Variants in GALK2 observed in about 807,000 individuals in gnomAD.
GALK2 encodes galactokinase 2, also known as N-acetylgalactosamine kinase.
GALK2 carries 36 observed loss-of-function variants against 52.4 expected under a neutral mutation model. That is an observed-to-expected ratio of 0.69 (90% CI 0.53 to 0.91). GALK2 has a LOEUF of 0.91. Ranked by LOEUF, GALK2 falls within the 40% of genes least tolerant of loss-of-function variation. The pLI, the probability that GALK2 is intolerant of heterozygous loss-of-function variation, is 0.00. For synonymous variants in GALK2, 176 were observed against 199.1 expected (o/e 0.88, Z 0.98); for missense variants, 579 against 559.1 (o/e 1.04, Z -0.36).
intron 5 of GALK2, among the ~76,000 whole-genome samples, chr15:49,269,321 A>G (rs1040073753): frequency 6.6e-6 from 1 of 152,160 alleles, no homozygotes; most frequent in Non-Finnish European, 1.5e-5. Context: ...TGTGCAGTGC[A>G]AGGTCAGGGG....
chr15:49,355,753 C>T (rs2043046451), intron 3 of GALK2, among the ~76,000 whole-genome samples: 1 of 151,494 alleles, frequency 6.6e-6, no homozygotes, highest in Admixed American at 6.6e-5. Flanking sequence ...CACAAAGATA[C>T]TCCTCGAGAA....
At chr15:49,325,062 C>G (rs1327630853) in intron 9 of GALK2, among the ~76,000 whole-genome samples, 1 of 152,152 alleles carries the variant, frequency 6.6e-6, no homozygotes, top group African/African-American at 2.4e-5. Context: ...CTCCATTGCT[C>G]TGTATCTTGC....
At chr15:49,237,720 C>G (rs1172635817) in intron 4 of GALK2, among the ~76,000 whole-genome samples, 3 of 152,082 alleles carry the variant, frequency 2.0e-5, no homozygotes, top group African/African-American at 7.2e-5. Context: ...CGTGACCCAC[C>G]CGCCTCGGCC....
At chr15:49,279,719 CAGTT>C (rs1242322561) in intron 5 of GALK2, among the ~76,000 whole-genome samples, 2 of 152,176 alleles carry the variant, frequency 1.3e-5, no homozygotes, top group Non-Finnish European at 2.9e-5. Flanking sequence ...CCCAGGGTCA[CAGTT>C]AGTTGGGCAC....
intron 9 of GALK2, among the ~76,000 whole-genome samples, chr15:49,322,406 C>T (rs2036950396): frequency 6.6e-6 from 1 of 152,158 alleles, no homozygotes; most frequent in African/African-American, 2.4e-5. Flanking sequence ...GAATAGTTGT[C>T]TGGTCCTTAA....
intron 8 of GALK2, among the ~76,000 whole-genome samples, chr15:49,314,334 A>G (rs951213046): frequency 6.6e-6 from 1 of 152,240 alleles, no homozygotes; most frequent in Non-Finnish European, 1.5e-5. Flanking sequence ...GCAAAATACA[A>G]TATAAACAAT....
rs553628122 is a variant in GALK2, at chr15:49,328,903, A to G, written c.*744A>G. The G allele has an allele frequency of 2.3e-5, 28 of 1,242,052 alleles. No homozygotes were observed. In the East Asian group the frequency reaches 8.4e-4, roughly 37 times the overall value. 76.9% of individuals were successfully genotyped at this position (1,242,052 alleles called of 1,614,324 possible). A position where few individuals can be genotyped will look rare whatever the true frequency, so the allele number is the denominator to read the frequency against. On this transcript the variant is annotated 3_prime_UTR_variant, in exon 10 of 10. Coordinates refer to ENST00000560031, the MANE Select transcript of GALK2 (RefSeq NM_002044.4). ...GGCCCTGAGCTATCTCCATTACTTAATAGAAAAACTTAGATAAAAAACACT... is the reference window on the plus strand; with the variant it reads ...GGCCCTGAGCTATCTCCATTACTTAGTAGAAAAACTTAGATAAAAAACACT...
chr15:49,159,351 G>A (rs540498967), intron 1 of GALK2, among the ~76,000 whole-genome samples: 32 of 152,102 alleles, frequency 2.1e-4, no homozygotes, highest in Non-Finnish European at 3.5e-4. Context: ...CGAGGCAGAC[G>A]GACCACCTGA....
intron 1 of GALK2, among the ~76,000 whole-genome samples, chr15:49,173,784 G>T (rs1227383810): frequency 5.9e-5 from 9 of 151,956 alleles, no homozygotes; most frequent in Admixed American, 5.2e-4. Context: ...GTCTCGCTCT[G>T]TTGGCTGGAG....
chr15:49,160,281 G>GA (rs990053087), intron 1 of GALK2, among the ~76,000 whole-genome samples: 21 of 148,900 alleles, frequency 1.4e-4, no homozygotes, highest in Middle Eastern at 7.0e-3. Flanking sequence ...TCTCAAAAAA[G>GA]AAAAAAAAAG....
At chr15:49,361,480 T>C (rs1168157716) in intron 3 of GALK2, among the ~76,000 whole-genome samples, 1 of 152,180 alleles carries the variant, frequency 6.6e-6, no homozygotes, top group East Asian at 1.9e-4. Context: ...CTCCTACTTA[T>C]TAGTGAGAAC....
intron 4 of GALK2, among the ~76,000 whole-genome samples, chr15:49,236,750 A>G (rs1344710541): frequency 6.6e-6 from 1 of 152,220 alleles, no homozygotes; most frequent in Non-Finnish European, 1.5e-5. Flanking sequence ...CTAAAAGTAA[A>G]CAAACAAACT....
intron 2 of GALK2, among the ~76,000 whole-genome samples, chr15:49,213,804 A>G (rs181148023): frequency 1.4e-4 from 22 of 152,154 alleles, no homozygotes; most frequent in South Asian, 4.1e-4. Context: ...TTTTCTGACA[A>G]TGTTTTAATT....
At position 49,201,103 on chromosome 15, in the gene GALK2, T is replaced by C. The variant is rs2087727314; in HGVS notation, c.54-59T>C. ...GTGTGTGTGTATGTATGTGTGTGTATGTTATGTTACGGATTTTCTGTTATA... is the reference window on the plus strand; with the variant it reads ...GTGTGTGTGTATGTATGTGTGTGTACGTTATGTTACGGATTTTCTGTTATA... On this transcript the variant is annotated intron_variant, in intron 1 of 9. Coordinates refer to ENST00000560031, the MANE Select transcript of GALK2 (RefSeq NM_002044.4). 8 of 840,354 alleles carry C rather than the reference T, an allele frequency of 9.5e-6. No homozygotes were observed. In the East Asian group the frequency reaches 1.3e-4, roughly 13 times the overall value. 52.1% of individuals were successfully genotyped at this position (840,354 alleles called of 1,614,324 possible).
chr15:49,328,165 TGTAAAAA>T lies in GALK2; in HGVS notation c.*9_*15del, dbSNP rs752730802. 3.3e-5 allele frequency: 53 copies of T among 1,611,058 alleles called. No individual in the cohort carries two copies. Among genetic ancestry groups the T allele is most frequent in the Non-Finnish European group, 4.4e-5 (52 of 1,178,482 alleles). ...TGGTTTTGCTTGAGGCCTGAAAAAA[TGTAAAAA>T]GTCTGAGAGAAACTACTTAGGGCAC... On this transcript the variant is annotated 3_prime_UTR_variant, in exon 10 of 10. Coordinates refer to ENST00000560031, the MANE Select transcript of GALK2 (RefSeq NM_002044.4).
intron 1 of GALK2, chr15:49,156,091 T>C: frequency 7.0e-7 from 1 of 1,438,832 alleles, no homozygotes; most frequent in Non-Finnish European, 9.8e-7. Context: ...ATACTTGGAG[T>C]ACTTTTCAGC....
chr15:49,339,688 A>G (rs1354588608), intron 3 of GALK2, among the ~76,000 whole-genome samples: 2 of 152,182 alleles, frequency 1.3e-5, no homozygotes, highest in Non-Finnish European at 1.5e-5. Flanking sequence ...AGAGCTGCCA[A>G]GTATGGACGT....
At chr15:49,194,274 C>T (rs2141275253) in intron 1 of GALK2, 1 of 152,134 alleles carries the variant, frequency 6.6e-6, no homozygotes, top group African/African-American at 2.4e-5. Context: ...TGGAGTGAGT[C>T]GAGATCCGCC....
At chr15:49,269,959 C>T (rs1217069736) in intron 5 of GALK2, among the ~76,000 whole-genome samples, 1 of 152,242 alleles carries the variant, frequency 6.6e-6, no homozygotes, top group African/African-American at 2.4e-5. Flanking sequence ...CTCTAAGCCA[C>T]ACATCCACTG....
Sources: gnomAD v4.1 joint callset for allele counts (sites outside exome capture counted in the v4.1 genomes callset) on GRCh38, gnomAD v4.1.1 for gene constraint, MANE v1.5 for transcripts, NCBI Gene and HGNC (gene_info 2026-07-23, HGNC 2026-07-21) for gene names.